The following MITF variants were observed in gnomAD, a reference collection of about 807,000 sequenced individuals.
The protein encoded by MITF is melanocyte inducing transcription factor, also known as microphthalmia-associated transcription factor.
A neutral mutation model predicts 60.5 loss-of-function variants in MITF; 17 were observed. The ratio of observed to expected loss-of-function variants is 0.28; its 90% CI spans 0.19 to 0.42. MITF has a LOEUF of 0.42. Ranked by LOEUF, MITF falls within the 10% of genes least tolerant of loss-of-function variation. The pLI is 1.00. For synonymous variants in MITF, 260 were observed against 248.5 expected, an observed-to-expected ratio of 1.05 and a Z score of -0.43; for missense variants, 622 against 683.5, an observed-to-expected ratio of 0.91 and a Z score of 1.00.
At chr3:69,792,998 CTTTTTTTTT>C (rs58440406) in intron 1 of MITF, among the ~76,000 whole-genome samples, 3 of 31,076 alleles carry the variant, frequency 9.7e-5, no homozygotes, top group East Asian at 1.3e-3. Flanking sequence ...AAGTCTTTAG[CTTTTTTTTT>C]TTTTTTTTTT....
At chr3:69,938,576 T>C in intron 3 of MITF, 3 of 1,390,640 alleles carry the variant, frequency 2.2e-6, no homozygotes, top group Non-Finnish European at 9.3e-7. Flanking sequence ...AAGGTTTAAT[T>C]GCTGGATACA....
At position 69,888,897 on chromosome 3, in the gene MITF, C is replaced by G. The variant is rs1025273093; in HGVS notation, c.354+9514C>G. Among the ~76,000 whole-genome samples, 3 of 151,498 alleles carry G rather than the reference C, an allele frequency of 2.0e-5. No homozygotes were observed. The East Asian group carries it at 5.8e-4, about 29-fold the overall frequency. On this transcript the variant is annotated intron_variant, in intron 2 of 9. Coordinates refer to ENST00000352241, the MANE Select transcript of MITF (RefSeq NM_001354604.2). ...AGGGGAACAAATTTAAAACAAAAAACGAAAAAATCCAGGCTCTTAGAGATT... is the reference window on the plus strand; with the variant it reads ...AGGGGAACAAATTTAAAACAAAAAAGGAAAAAATCCAGGCTCTTAGAGATT...
chr3:69,808,818 G>C (rs1299276769), intron 1 of MITF, among the ~76,000 whole-genome samples: 2 of 152,104 alleles, frequency 1.3e-5, no homozygotes, highest in East Asian at 3.9e-4. Context: ...AGGTGAGGGG[G>C]AGGGATTTTT....
intron 1 of MITF, chr3:69,763,637 C>G (rs916856523): frequency 8.1e-7 from 1 of 1,228,452 alleles, no homozygotes; most frequent in African/African-American, 1.6e-5. Context: ...TAATAATCTC[C>G]TTTCTGAGAC....
intron 2 of MITF, among the ~76,000 whole-genome samples, chr3:69,930,815 C>T (rs184859831): frequency 1.9e-4 from 29 of 152,334 alleles, no homozygotes; most frequent in Middle Eastern, 3.4e-3. Flanking sequence ...TAACAAGATC[C>T]TCCAGTGATT....
intron 2 of MITF, among the ~76,000 whole-genome samples, chr3:69,923,975 T>G (rs2065528117): frequency 6.6e-6 from 1 of 152,182 alleles, no homozygotes; most frequent in Admixed American, 6.5e-5. Flanking sequence ...TAAATACCTA[T>G]GTAAGCTTAA....
At position 69,967,610 on chromosome 3, in the gene MITF, C is replaced by G; in HGVS notation, c.*2362C>G. On this transcript the variant is annotated 3_prime_UTR_variant, in exon 10 of 10. Transcript: ENST00000352241. Reference sequence around the variant, plus strand: ...CTGCCCTGACTGTCACAACTCCTAACCTTGCCATTGCCTGCCTCCCCCTCC... The same window carrying G: ...CTGCCCTGACTGTCACAACTCCTAAGCTTGCCATTGCCTGCCTCCCCCTCC... 4.3e-6 allele frequency: 1 copy of G among 233,456 alleles called. No individual in the cohort carries two copies. The highest frequency in any genetic ancestry group is 5.6e-5 in the Admixed American group (1 of 17,792). The allele number at this position is 233,456 out of a possible 1,614,324, so 14.5% of individuals were successfully genotyped here.
intron 2 of MITF, among the ~76,000 whole-genome samples, chr3:69,884,313 G>A (rs929527556): frequency 5.3e-5 from 8 of 152,062 alleles, no homozygotes; most frequent in Non-Finnish European, 1.2e-4. Context: ...GCCTTTTATA[G>A]GAGCGAGGTC....
chr3:69,830,358 A>G (rs56155813), intron 1 of MITF, among the ~76,000 whole-genome samples: 23,323 of 152,046 alleles, frequency 0.15, 2,091 homozygotes, highest in Non-Finnish European at 0.21. Flanking sequence ...CTTCCTGGAA[A>G]GCTCGGCCTG....
chr3:69,937,979 C>T lies in MITF; in HGVS notation c.512C>T (p.Pro171Leu), dbSNP rs1328440915. ...PNQPGDHVMP[P>L]VPGSSAPNSP... ...CAGCCTGGCGATCATGTCATGCCAC[C>T]GGTGCCGGGGAGCAGCGCACCCAAC... The change falls in exon 3 of 10, where the codon CCG becomes CTG. Residue 171 changes from proline to leucine, a missense_variant. Pro to Leu is a moderately conservative substitution (Grantham distance 98, BLOSUM62 -3). Around this residue, in one of 5 missense-constraint regions of MITF, gnomAD observed 215 missense variants for 224.8 expected, o/e 0.96. Coordinates refer to ENST00000352241, the MANE Select transcript of MITF (RefSeq NM_001354604.2). The T allele has an allele frequency of 6.8e-6, 11 of 1,614,068 alleles. No homozygotes were observed. Among genetic ancestry groups the T allele is most frequent in the African/African-American group, 1.3e-5 (1 of 74,946 alleles).
intron 9 of MITF, among the ~76,000 whole-genome samples, chr3:69,963,970 C>CTTTTTTTTTTTTTTTTTTTTTT (rs56921812): frequency 2.3e-5 from 2 of 86,112 alleles, no homozygotes; most frequent in Non-Finnish European, 2.1e-5. Context: ...TTTTTCTTTT[C>CTTTTTTTTTTTTTTTTTTTTTT]TTTTTTTTTT....
At chr3:69,815,002 T>C (rs765865408) in intron 1 of MITF, among the ~76,000 whole-genome samples, 24 of 152,134 alleles carry the variant, frequency 1.6e-4, no homozygotes, top group Non-Finnish European at 2.8e-4. Context: ...TAAACTTTTC[T>C]GGTAAACTGG....
chr3:69,907,834 T>C (rs180684761), intron 2 of MITF, among the ~76,000 whole-genome samples: 1 of 152,288 alleles, frequency 6.6e-6, no homozygotes, highest in East Asian at 1.9e-4. Context: ...AATAAGCAGT[T>C]TTCTCTGTGA....
At position 69,956,443 on chromosome 3, in the gene MITF, C is replaced by G; in HGVS notation, c.956-12C>G. On this transcript the variant is annotated splice_polypyrimidine_tract_variant and intron_variant, in intron 7 of 9. Transcript: ENST00000352241. ...TGTTACTAATAGCCTTTCCTGTGCT[C>G]TTTTCTTGAAGTTGAACGAAGAAGA... 1 of 1,609,868 alleles carries G rather than the reference C, an allele frequency of 6.2e-7. No homozygotes were observed.
At chr3:69,881,971 C>G (rs1328235523) in intron 2 of MITF, among the ~76,000 whole-genome samples, 1 of 152,100 alleles carries the variant, frequency 6.6e-6, no homozygotes, top group Non-Finnish European at 1.5e-5. Flanking sequence ...GGTTAAATCT[C>G]TCCGTCTCCC....
intron 2 of MITF, among the ~76,000 whole-genome samples, chr3:69,910,306 C>T (rs2065195529): frequency 2.0e-5 from 3 of 152,218 alleles, no homozygotes; most frequent in African/African-American, 7.2e-5. Context: ...CCTGGATGCT[C>T]AGGCAAAAGT....
At chr3:69,959,063 T>C (rs1258020059) in intron 8 of MITF, among the ~76,000 whole-genome samples, 3 of 151,938 alleles carry the variant, frequency 2.0e-5, no homozygotes, top group Admixed American at 6.6e-5. Flanking sequence ...TTGGGTACAG[T>C]GTACACGGCT....
chr3:69,927,517 C>G (rs1053760064), intron 2 of MITF, among the ~76,000 whole-genome samples: 28 of 151,554 alleles, frequency 1.8e-4, no homozygotes, highest in African/African-American at 6.8e-4. Flanking sequence ...GCACATGTAT[C>G]CCAGAACTTA....
chr3:69,826,483 C>T (rs1449955056), intron 1 of MITF, among the ~76,000 whole-genome samples: 2 of 152,150 alleles, frequency 1.3e-5, no homozygotes, highest in African/African-American at 4.8e-5. Flanking sequence ...ATATTTGGAG[C>T]CTTTTCTAAT....
Sources: allele counts gnomAD v4.1 joint callset (sites outside exome capture counted in the v4.1 genomes callset), GRCh38; gene constraint gnomAD v4.1.1; regional missense constraint gnomAD v4.1.1; transcripts MANE v1.5; gene names NCBI Gene and HGNC (gene_info 2026-07-23, HGNC 2026-07-21).